Variants in SLC43A3 observed in about 807,000 individuals in gnomAD.
SLC43A3 encodes the protein solute carrier family 43 member 3.
Under a neutral mutation model 53.3 loss-of-function variants are expected in SLC43A3, and 33 were observed. That is an observed-to-expected ratio of 0.62 (90% confidence interval 0.47 to 0.83). The LOEUF (loss-of-function observed/expected upper bound fraction) is 0.83. Ranked by LOEUF, SLC43A3 falls within the 40% of genes least tolerant of loss-of-function variation. SLC43A3 has a pLI of 0.00. For missense variants in SLC43A3, 530 were observed against 610.0 expected, an observed-to-expected ratio of 0.87 and a Z score of 1.38; for synonymous variants, 236 against 246.2, an observed-to-expected ratio of 0.96 and a Z score of 0.39.
In SLC43A3 at chr11:57,424,030, T is replaced by C; in HGVS notation, c.315-2A>G. 1 of 1,614,008 alleles carries C rather than the reference T, an allele frequency of 6.2e-7. No individual in the cohort carries two copies. Among genetic ancestry groups the C allele is most frequent in the South Asian group, 1.1e-5 (1 of 91,072 alleles). On this transcript the variant is annotated splice_acceptor_variant, in intron 4 of 13. Coordinates refer to ENST00000395124, the MANE Select transcript of SLC43A3 (RefSeq NM_199329.3). LOFTEE classifies it high-confidence loss of function. The stretch of plus-strand genomic sequence containing the variant: ...AGTGTGGCGGTGGTGTAGAAAAATC[T>C]GAAACACATAACAGGAAAAGCAGAA...
chr11:57,426,431 G>A (rs1943200281), intron 2 of SLC43A3, 79 bp from the exon 3 acceptor site: 1 of 507,742 alleles, frequency 2.0e-6, no homozygotes, highest in Non-Finnish European at 3.5e-6. Flanking sequence ...TTTGTGAGGT[G>A]CATTAAGAGG....
intron 7 of SLC43A3, among the ~76,000 whole-genome samples, chr11:57,418,549 A>G (rs1172527098): frequency 6.6e-6 from 1 of 152,042 alleles, no homozygotes; most frequent in Non-Finnish European, 1.5e-5. Context: ...TAAATAAATC[A>G]GCTGGGCGTG....
chr11:57,421,411 T>G lies in SLC43A3; in HGVS notation c.362-38A>C, dbSNP rs746981253. On this transcript the variant is annotated intron_variant, in intron 5 of 13. Transcript: ENST00000395124. Reference sequence around the variant, plus strand: ...AGTCAGAGGTAGGGTGGTGTCATAGTGCAACCCAAACATGGAGCCCCAAAC... The same window carrying G: ...AGTCAGAGGTAGGGTGGTGTCATAGGGCAACCCAAACATGGAGCCCCAAAC... The G allele has an allele frequency of 3.3e-6, 5 of 1,517,482 alleles. No homozygotes were observed. In the African/African-American group the frequency reaches 6.9e-5, roughly 21 times the overall value. The allele number at this position is 1,517,482 out of a possible 1,614,324, so 94.0% of individuals were successfully genotyped here.
rs77730646 is a variant in SLC43A3 at position 57,422,725 on chromosome 11, G to A, written c.361+1257C>T. Among the ~76,000 whole-genome samples, 53 of 152,270 alleles carry A rather than the reference G, an allele frequency of 3.5e-4. No homozygotes were observed. In the East Asian group the frequency reaches 8.1e-3, roughly 23 times the overall value. Reference sequence around the variant, plus strand: ...GGAAGAGGAGGATTGTTGCTCAGACGATTTGCAGGCACGAGTCAAACATTA... The same window carrying A: ...GGAAGAGGAGGATTGTTGCTCAGACAATTTGCAGGCACGAGTCAAACATTA... On this transcript the variant is annotated intron_variant, in intron 5 of 13. Transcript: ENST00000395124.
chr11:57,417,493 T>C (rs527382301), intron 8 of SLC43A3, among the ~76,000 whole-genome samples: 1 of 152,328 alleles, frequency 6.6e-6, no homozygotes, highest in African/African-American at 2.4e-5. Flanking sequence ...ATCAGATGTA[T>C]GAATGAGCCC....
chr11:57,419,615 T>C (rs1052130059), intron 7 of SLC43A3, among the ~76,000 whole-genome samples: 1 of 151,932 alleles, frequency 6.6e-6, no homozygotes, highest in Admixed American at 6.6e-5. Context: ...CTGGCCAACA[T>C]GGCGAAACCC....
chr11:57,413,061 C>CAAA (rs1190635755), intron 11 of SLC43A3, among the ~76,000 whole-genome samples: 2 of 76,268 alleles, frequency 2.6e-5, no homozygotes, highest in African/African-American at 9.4e-5. Context: ...TTATTCACGG[C>CAAA]AAAAAAAAAA....
intron 5 of SLC43A3, chr11:57,423,698 G>C: frequency 3.3e-6 from 1 of 300,134 alleles, no homozygotes. Flanking sequence ...CCAAAGTGCT[G>C]GGATTACAGG....
rs1479237407 is a variant in SLC43A3, at chr11:57,415,012, CACAG to C, written c.860_863del (p.Ser287Ter). ...TGAAGAGGTAGTGCCACAACTGTAT[CACAG>C]ACAGCCACACCAGGTGCCAGGCAAA... On this transcript the variant is annotated frameshift_variant, in exon 10 of 14. Coordinates refer to ENST00000395124, the MANE Select transcript of SLC43A3 (RefSeq NM_199329.3). LOFTEE classifies it high-confidence loss of function. The C allele has an allele frequency of 6.2e-7, 1 of 1,614,188 alleles. No individual in the cohort carries two copies. The highest frequency in any genetic ancestry group is 1.7e-5 in the Admixed American group (1 of 60,032).
chr11:57,416,742 T>C (rs1343536149), intron 8 of SLC43A3, 72 bp from the exon 9 acceptor site: 6 of 1,220,336 alleles, frequency 4.9e-6, no homozygotes, highest in Admixed American at 1.8e-5. Flanking sequence ...CTGGAGGGAA[T>C]AGCATGGTGA....
intron 7 of SLC43A3, among the ~76,000 whole-genome samples, chr11:57,420,102 T>G (rs1942919709): frequency 1.3e-5 from 2 of 152,146 alleles, no homozygotes; most frequent in Non-Finnish European, 2.9e-5. Context: ...TGGCTTGAGA[T>G]CCACACTCTT....
chr11:57,407,691 GTT>G lies in SLC43A3; in HGVS notation c.*99_*100del. On this transcript the variant is annotated 3_prime_UTR_variant, in exon 14 of 14. Transcript: ENST00000395124. Reference sequence around the variant, plus strand: ...TGTGTGTGTGTGTGTGTGTGTGTGTGTTTTGCTGGGATAGGCAAAGTCTTTTG... The same window carrying G: ...TGTGTGTGTGTGTGTGTGTGTGTGTGTTGCTGGGATAGGCAAAGTCTTTTG... 3.0e-6 allele frequency: 2 copies of G among 656,820 alleles called. No individual in the cohort carries two copies. Among genetic ancestry groups the G allele is most frequent in the Non-Finnish European group, 5.5e-6 (2 of 360,362 alleles). The allele number at this position is 656,820 out of a possible 1,614,324, so 40.7% of individuals were successfully genotyped here. A position where few individuals can be genotyped will look rare whatever the true frequency, so the allele number is the denominator to read the frequency against.
At position 57,414,855 on chromosome 11, in the gene SLC43A3, T is replaced by C. The variant is rs1338789908; in HGVS notation, c.943+78A>G. The C allele has an allele frequency of 1.5e-5, 24 of 1,564,410 alleles. No homozygotes were observed. The Admixed American group carries it at 4.0e-4, about 26-fold the overall frequency. On this transcript the variant is annotated intron_variant, in intron 10 of 13. Transcript: ENST00000395124. Reference sequence around the variant, plus strand: ...CCCACACCATCAGACCCTCCTCTGGTGTGTACAGCCCTGCTGGGAGGCTCT... The same window carrying C: ...CCCACACCATCAGACCCTCCTCTGGCGTGTACAGCCCTGCTGGGAGGCTCT...
intron 3 of SLC43A3, 45 bp downstream of exon 3, chr11:57,425,944 G>A: frequency 1.3e-6 from 2 of 1,580,350 alleles, no homozygotes; most frequent in Non-Finnish European, 1.7e-6. Context: ...GCCACCACGT[G>A]GGAGCCAGAC....
intron 7 of SLC43A3, 91 bp downstream of exon 7, chr11:57,420,881 C>T (rs1942952384): frequency 4.5e-6 from 4 of 880,290 alleles, no homozygotes; most frequent in Non-Finnish European, 7.6e-6. Flanking sequence ...ACCTACCTCA[C>T]CGAGTTGATG....
intron 7 of SLC43A3, among the ~76,000 whole-genome samples, 170 bp from the exon 8 acceptor site, chr11:57,418,057 G>A (rs1942803177): frequency 6.6e-6 from 1 of 152,124 alleles, no homozygotes; most frequent in Non-Finnish European, 1.5e-5. Context: ...AAGGAAAGAG[G>A]CAACCATGCT....
intron 13 of SLC43A3, 108 bp from the exon 14 acceptor site, chr11:57,408,004 G>C: frequency 1.4e-6 from 1 of 701,072 alleles, no homozygotes; most frequent in Non-Finnish European, 2.5e-6. Context: ...GGGACCAGAA[G>C]TCTACCGAGT....
intron 11 of SLC43A3, among the ~76,000 whole-genome samples, chr11:57,411,965 T>A (rs777908595): frequency 5.9e-5 from 9 of 152,038 alleles, no homozygotes; most frequent in Non-Finnish European, 1.2e-4. Context: ...AATATCAGTA[T>A]TAAGTATTTA....
At chr11:57,421,124 G>A in intron 6 of SLC43A3, 60 bp from the exon 7 acceptor site, 1 of 1,371,972 alleles carries the variant, frequency 7.3e-7, no homozygotes, top group Non-Finnish European at 1.0e-6. Flanking sequence ...TACTTCCTGA[G>A]CACCCAGCAT....
Sources: allele counts gnomAD v4.1 joint callset (sites outside exome capture counted in the v4.1 genomes callset), GRCh38; gene constraint gnomAD v4.1.1; transcripts MANE v1.5; gene names NCBI Gene and HGNC (gene_info 2026-07-23, HGNC 2026-07-21).